Variants in ZNF134 observed in about 807,000 individuals in gnomAD.
ZNF134 encodes the protein zinc finger protein 134 (clone pHZ-15).
ZNF134 carries 5 observed loss-of-function variants against 2.5 expected under a neutral mutation model. The ratio of observed to expected loss-of-function variants is 2.03; its 90% CI spans 1.06 to 4.27. ZNF134 has a LOEUF of 4.27. ZNF134 is among the 30% of genes most tolerant of loss of function. The pLI is 0.00. For synonymous variants in ZNF134, 176 were observed against 176.2 expected (o/e 1.00, Z 0.01); for missense variants, 540 against 517.5 (o/e 1.04, Z -0.42).
Position 57,614,481 on chromosome 19 carries a change from C to T in ZNF134, c.-80C>T, listed in dbSNP as rs1369601739. On this transcript the variant is annotated 5_prime_UTR_variant, in exon 1 of 3. Coordinates refer to ENST00000396161, the MANE Select transcript of ZNF134 (RefSeq NM_003435.5). ...GGTCTACGAACTGTGATGGCGGCGG[C>T]CGCGGTGATGGGCCCGGCGCAGGTG... 2.5e-6 allele frequency: 1 copy of T among 399,982 alleles called. No homozygotes were observed. The highest frequency in any genetic ancestry group is 1.8e-5 in the South Asian group (1 of 56,538). The allele number at this position is 399,982 out of a possible 1,614,324, so 24.8% of individuals were successfully genotyped here.
Position 57,620,469 on chromosome 19 carries a change from A to G in ZNF134, c.350A>G (p.Lys117Arg). 1 of 1,614,210 alleles carries G rather than the reference A, an allele frequency of 6.2e-7. No individual in the cohort carries two copies. Among genetic ancestry groups the G allele is most frequent in the Non-Finnish European group, 8.5e-7 (1 of 1,180,032 alleles). ...RRDKSEASIVKNCTVSKEPHP... is the reference protein window; with the variant it reads ...RRDKSEASIVRNCTVSKEPHP... ...GATAAAAGTGAGGCCTCAATTGTGA[A>G]GAACTGCACAGTTAGCAAAGAACCT... The change falls in exon 3 of 3, where the codon AAG (lysine) becomes AGG (arginine). Residue 117 changes from lysine (K) to arginine (R), a missense_variant. Transcript: ENST00000396161.
At position 57,619,438 on chromosome 19, in the gene ZNF134, A is replaced by G. The variant is rs1336486305; in HGVS notation, c.-31A>G. 1.2e-5 allele frequency: 19 copies of G among 1,594,102 alleles called. No homozygotes were observed. The highest frequency in any genetic ancestry group is 1.5e-5 in the Non-Finnish European group (18 of 1,169,960). On this transcript the variant is annotated 5_prime_UTR_variant, in exon 2 of 3. Coordinates refer to ENST00000396161, the MANE Select transcript of ZNF134 (RefSeq NM_003435.5). ...TCCTCTGTGGTTGTTGAATTGTAAC[A>G]AGAGAGAGAACTCTGGCTGCCTGAG...
At position 57,623,039 on chromosome 19, in the gene ZNF134, C is replaced by G. The variant is rs893373695; in HGVS notation, c.*1636C>G. 1 of 151,974 alleles carries G rather than the reference C, an allele frequency of 6.6e-6. No individual in the cohort carries two copies. Among genetic ancestry groups the G allele is most frequent in the East Asian group, 1.9e-4 (1 of 5,180 alleles). 9.4% of individuals were successfully genotyped at this position (151,974 alleles called of 1,614,324 possible). ...TCAGTGGTATTGGACATATCTGTTACCCCCAAAGTTAACCTGAGGCCCTTA... is the reference window on the plus strand; with the variant it reads ...TCAGTGGTATTGGACATATCTGTTAGCCCCAAAGTTAACCTGAGGCCCTTA... On this transcript the variant is annotated 3_prime_UTR_variant, in exon 3 of 3. Coordinates refer to ENST00000396161, the MANE Select transcript of ZNF134 (RefSeq NM_003435.5).
Position 57,624,268 on chromosome 19 carries a change from T to G in ZNF134, c.*2865T>G, listed in dbSNP as rs1481827945. ...TCCTAGGTCTTTCCCAACCTTTTGT[T>G]TGGGAGCAGATAACTAGTTTTCTAG... On this transcript the variant is annotated 3_prime_UTR_variant, in exon 3 of 3. Transcript: ENST00000396161. 1.3e-5 allele frequency: 2 copies of G among 152,136 alleles called. No homozygotes were observed. The highest frequency in any genetic ancestry group is 2.9e-5 in the Non-Finnish European group (2 of 68,036). The allele number at this position is 152,136 out of a possible 1,614,324, so 9.4% of individuals were successfully genotyped here.
At chr19:57,614,615 G>T in intron 1 of ZNF134, 112 bp downstream of exon 1, 1 of 324,230 alleles carries the variant, frequency 3.1e-6, no homozygotes, top group South Asian at 2.2e-5. Flanking sequence ...GCAGCGGGGC[G>T]CTGGTGGGTG....
chr19:57,617,509 G>A (rs1981086485), intron 1 of ZNF134, among the ~76,000 whole-genome samples: 1 of 152,148 alleles, frequency 6.6e-6, no homozygotes, highest in African/African-American at 2.4e-5. Flanking sequence ...GACAAAGTTG[G>A]TGGTAGGAGT....
chr19:57,618,569 C>A (rs75446778), intron 1 of ZNF134, among the ~76,000 whole-genome samples: 1 of 152,250 alleles, frequency 6.6e-6, no homozygotes, highest in East Asian at 1.9e-4. Context: ...GTCCTACATA[C>A]CAGGCCCATG....
In ZNF134 at chr19:57,621,305, G is replaced by A; in HGVS notation, c.1186G>A (p.Gly396Arg). The A allele has an allele frequency of 6.2e-7, 1 of 1,614,194 alleles. No individual in the cohort carries two copies. Among genetic ancestry groups the A allele is most frequent in the Non-Finnish European group, 8.5e-7 (1 of 1,180,046 alleles). ...TGTTCGACACCAAAGAGTTCACACT[G>A]GAGAAAGGCCATATGAGTGCAGTGA... is the stretch of plus-strand genomic sequence containing the variant. ...HLVRHQRVHTGERPYECSECG... is the reference protein window; with the variant it reads ...HLVRHQRVHTRERPYECSECG... Residue 396 changes from glycine (G) to arginine (R), a missense_variant, in exon 3 of 3, where the codon GGA becomes AGA. Coordinates refer to ENST00000396161, the MANE Select transcript of ZNF134 (RefSeq NM_003435.5).
chr19:57,620,977 G>C lies in ZNF134; in HGVS notation c.858G>C (p.Arg286Ser). The part of the protein sequence containing the change: ...IVHQRVHNGA[R>S]PYKCSDCGKV... ...ACCAGAGAGTTCACAATGGAGCAAG[G>C]CCTTATAAGTGCAGTGATTGTGGGA... The change falls in exon 3 of 3, where the codon AGG becomes AGC. Residue 286 changes from arginine (R) to serine (S), a missense_variant. Transcript: ENST00000396161. The C allele has an allele frequency of 6.2e-7, 1 of 1,614,214 alleles. No individual in the cohort carries two copies. The highest frequency in any genetic ancestry group is 1.1e-5 in the South Asian group (1 of 91,090).
Position 57,622,599 on chromosome 19 carries a change from C to G in ZNF134, c.*1196C>G, listed in dbSNP as rs1473657238. 1 of 152,200 alleles carries G rather than the reference C, an allele frequency of 6.6e-6. No homozygotes were observed. The highest frequency in any genetic ancestry group is 2.4e-5 in the African/African-American group (1 of 41,434). 9.4% of individuals were successfully genotyped at this position (152,200 alleles called of 1,614,324 possible). A position where few individuals can be genotyped will look rare whatever the true frequency, so the allele number is the denominator to read the frequency against. The stretch of plus-strand genomic sequence containing the variant: ...GTAGTTTTTCTAGATTCCTCTCCCT[C>G]CCTGGGCTCTTTACCTAATGTCTTT... On this transcript the variant is annotated 3_prime_UTR_variant, in exon 3 of 3. Transcript: ENST00000396161.
chr19:57,615,208 C>T (rs1981018850), intron 1 of ZNF134, among the ~76,000 whole-genome samples: 1 of 152,036 alleles, frequency 6.6e-6, no homozygotes, highest in Non-Finnish European at 1.5e-5. Context: ...AGGTGTTCTG[C>T]ACTGGAGGTT....
chr19:57,616,995 A>G (rs555299642), intron 1 of ZNF134, among the ~76,000 whole-genome samples: 4 of 152,280 alleles, frequency 2.6e-5, no homozygotes, highest in Non-Finnish European at 2.9e-5. Context: ...CTGGCAAGCA[A>G]TGGGATGAAA....
rs1981323121 is a variant in ZNF134, at chr19:57,624,538, G to A, written c.*3135G>A. Reference sequence around the variant, plus strand: ...GGCAAACCCAAATAAGGGAGGAGGGGTGGTAATCAGGGGTCCCTGAAATCC... The same window carrying A: ...GGCAAACCCAAATAAGGGAGGAGGGATGGTAATCAGGGGTCCCTGAAATCC... On this transcript the variant is annotated 3_prime_UTR_variant, in exon 3 of 3. Coordinates refer to ENST00000396161, the MANE Select transcript of ZNF134 (RefSeq NM_003435.5). 2 of 152,216 alleles carry A rather than the reference G, an allele frequency of 1.3e-5. No individual in the cohort carries two copies. Among genetic ancestry groups the A allele is most frequent in the Admixed American group, 6.5e-5 (1 of 15,282 alleles). 9.4% of individuals were successfully genotyped at this position (152,216 alleles called of 1,614,324 possible).
chr19:57,614,564 C>T (rs1980998453), intron 1 of ZNF134, 61 bp downstream of exon 1: 1 of 343,690 alleles, frequency 2.9e-6, no homozygotes, highest in South Asian at 2.1e-5. Flanking sequence ...AAATGAGGAG[C>T]GCCTGTCTGA....
rs1314148243 is a variant in ZNF134, at chr19:57,620,656, T to C, written c.537T>C (p.Ser179=). 4 of 1,613,914 alleles carry C rather than the reference T, an allele frequency of 2.5e-6. No individual in the cohort carries two copies. In the African/African-American group the frequency reaches 5.3e-5, roughly 22 times the overall value. ...GTGAACAAATGCATTACAAGTGCAG[T>C]GAATGTGGGAAAGCTTTCAGCCGCA... ...FHGEQMHYKC[S]ECGKAFSRKD... Residue 179 remains serine (S), a synonymous_variant, in exon 3 of 3, where the codon AGT becomes AGC. Transcript: ENST00000396161.
In ZNF134 at chr19:57,621,533, C is replaced by T. The variant is rs1981221426; in HGVS notation, c.*130C>T. 6.9e-7 allele frequency: 1 copy of T among 1,452,836 alleles called. No individual in the cohort carries two copies. The allele number at this position is 1,452,836 out of a possible 1,614,324, so 90.0% of individuals were successfully genotyped here. A position where few individuals can be genotyped will look rare whatever the true frequency, so the allele number is the denominator to read the frequency against. On this transcript the variant is annotated 3_prime_UTR_variant, in exon 3 of 3. Coordinates refer to ENST00000396161, the MANE Select transcript of ZNF134 (RefSeq NM_003435.5). The stretch of plus-strand genomic sequence containing the variant: ...TCTAGGGATATGTTGCACTTTCTGA[C>T]TTGCTCAGGTTTTTTGCCAGAGTTA...
At chr19:57,616,082 C>G (rs987899107) in intron 1 of ZNF134, among the ~76,000 whole-genome samples, 1 of 152,188 alleles carries the variant, frequency 6.6e-6, no homozygotes, top group Non-Finnish European at 1.5e-5. Flanking sequence ...CTCAGCATGC[C>G]TTCATGGGCG....
At position 57,623,487 on chromosome 19, in the gene ZNF134, T is replaced by C. The variant is rs1981290982; in HGVS notation, c.*2084T>C. 2 of 152,036 alleles carry C rather than the reference T, an allele frequency of 1.3e-5. No homozygotes were observed. The highest frequency in any genetic ancestry group is 4.1e-4 in the South Asian group (2 of 4,826). The allele number at this position is 152,036 out of a possible 1,614,324, so 9.4% of individuals were successfully genotyped here. ...AAAAGAGATACATACAGGGAAGAAC[T>C]GTGAAACAGAAAAGACCTAAGATTT... is the stretch of plus-strand genomic sequence containing the variant. On this transcript the variant is annotated 3_prime_UTR_variant, in exon 3 of 3. Transcript: ENST00000396161.
In ZNF134 at chr19:57,622,605, G is replaced by C. The variant is rs1027676679; in HGVS notation, c.*1202G>C. ...TTTCTAGATTCCTCTCCCTCCCTGG[G>C]CTCTTTACCTAATGTCTTTGCGGCA... On this transcript the variant is annotated 3_prime_UTR_variant, in exon 3 of 3. Coordinates refer to ENST00000396161, the MANE Select transcript of ZNF134 (RefSeq NM_003435.5). The C allele has an allele frequency of 1.3e-5, 2 of 152,186 alleles. No homozygotes were observed. Among genetic ancestry groups the C allele is most frequent in the African/African-American group, 4.8e-5 (2 of 41,420 alleles). 9.4% of individuals were successfully genotyped at this position (152,186 alleles called of 1,614,324 possible).
Sources: gnomAD v4.1 joint callset for allele counts (sites outside exome capture counted in the v4.1 genomes callset) on GRCh38, gnomAD v4.1.1 for gene constraint, MANE v1.5 for transcripts, NCBI Gene and HGNC (gene_info 2026-07-23, HGNC 2026-07-21) for gene names.